The following PARD3 variants were observed in gnomAD, a reference collection of about 807,000 sequenced individuals.
The protein encoded by PARD3 is par-3 family cell polarity regulator.
Under a neutral mutation model 155.4 loss-of-function variants are expected in PARD3, and 75 were observed. That is an observed-to-expected ratio of 0.48 (90% CI 0.40 to 0.58). The LOEUF (loss-of-function observed/expected upper bound fraction) is 0.58. PARD3 is among the 20% of genes least tolerant of loss of function. PARD3 has a pLI of 0.00. For missense variants in PARD3, 1,642 were observed against 1,721.7 expected (o/e 0.95, Z 0.82); for synonymous variants, 576 against 610.5 (o/e 0.94, Z 0.83).
At chr10:34,711,012 T>C (rs1439941201) in intron 1 of PARD3, among the ~76,000 whole-genome samples, 2 of 152,000 alleles carry the variant, frequency 1.3e-5, no homozygotes, top group Non-Finnish European at 2.9e-5. Flanking sequence ...TCCATCTCTA[T>C]AAAGCAATTA....
chr10:34,249,294 G>T (rs577725908), intron 22 of PARD3, among the ~76,000 whole-genome samples: 1 of 152,130 alleles, frequency 6.6e-6, no homozygotes, highest in South Asian at 2.1e-4. Context: ...TTACAGGCAT[G>T]AGCCAGCATG....
intron 1 of PARD3, among the ~76,000 whole-genome samples, chr10:34,715,732 G>C (rs958398298): frequency 6.6e-6 from 1 of 152,114 alleles, no homozygotes. Context: ...AAATATTCAC[G>C]AAGCATCTAC....
At chr10:34,167,775 T>C (rs2133094077) in intron 22 of PARD3, among the ~76,000 whole-genome samples, 1 of 152,358 alleles carries the variant, frequency 6.6e-6, no homozygotes, top group African/African-American at 2.4e-5. Flanking sequence ...GTCTCTGCCC[T>C]AGGAATGGAA....
chr10:34,286,607 A>G (rs924640979), intron 20 of PARD3, among the ~76,000 whole-genome samples: 13 of 152,240 alleles, frequency 8.5e-5, no homozygotes, highest in African/African-American at 3.1e-4. Flanking sequence ...ATTCTTGCCT[A>G]TTCCAGTGAT....
chr10:34,148,088 C>G (rs995849503), intron 22 of PARD3, among the ~76,000 whole-genome samples: 10 of 151,818 alleles, frequency 6.6e-5, no homozygotes, highest in Admixed American at 5.2e-4. Context: ...TTGGAAGCAT[C>G]AGAAGCCCAG....
At chr10:34,297,002 A>C (rs1589092497) in intron 20 of PARD3, among the ~76,000 whole-genome samples, 1 of 152,246 alleles carries the variant, frequency 6.6e-6, no homozygotes, top group East Asian at 1.9e-4. Context: ...GGTCACTACA[A>C]CCAACATTAA....
At chr10:34,384,312 C>A in intron 7 of PARD3, 58 bp from the exon 8 acceptor site, 1 of 1,495,238 alleles carries the variant, frequency 6.7e-7, no homozygotes, top group Non-Finnish European at 9.1e-7. Context: ...TGCACACTGC[C>A]TTACCACTTT....
At chr10:34,353,716 TAAATAAATAAAAAAA>T (rs1299695568) in intron 14 of PARD3, among the ~76,000 whole-genome samples, 5 of 136,592 alleles carry the variant, frequency 3.7e-5, no homozygotes, top group African/African-American at 7.5e-5. Context: ...GATCAATAAA[TAAATAAATAAAAAAA>T]TAAATAAATA....
At chr10:34,502,170 A>G (rs2080759117) in intron 3 of PARD3, among the ~76,000 whole-genome samples, 1 of 152,216 alleles carries the variant, frequency 6.6e-6, no homozygotes, top group Non-Finnish European at 1.5e-5. Flanking sequence ...AGCAGCCTGA[A>G]TGGACTTAGA....
intron 3 of PARD3, among the ~76,000 whole-genome samples, chr10:34,516,617 T>C (rs2081784245): frequency 6.6e-6 from 1 of 152,156 alleles, no homozygotes; most frequent in African/African-American, 2.4e-5. Context: ...TGTAACAGAG[T>C]TGACTGTAAT....
intron 1 of PARD3, among the ~76,000 whole-genome samples, chr10:34,761,708 G>A (rs545111123): frequency 6.6e-6 from 1 of 152,244 alleles, no homozygotes; most frequent in African/African-American, 2.4e-5. Context: ...AAAGACAAAT[G>A]CCTGCCTTCC....
At chr10:34,782,594 C>G (rs1324143766) in intron 1 of PARD3, among the ~76,000 whole-genome samples, 2 of 152,328 alleles carry the variant, frequency 1.3e-5, no homozygotes, top group African/African-American at 2.4e-5. Flanking sequence ...ACATTATTTC[C>G]TCTACACATA....
chr10:34,667,968 G>T (rs1388817818), intron 2 of PARD3, among the ~76,000 whole-genome samples: 5 of 152,158 alleles, frequency 3.3e-5, no homozygotes, highest in Non-Finnish European at 5.9e-5. Context: ...GGGAAGAGGA[G>T]GTGCAGTACA....
intron 22 of PARD3, among the ~76,000 whole-genome samples, chr10:34,217,870 A>C (rs1021510980): frequency 6.6e-6 from 1 of 152,218 alleles, no homozygotes; most frequent in African/African-American, 2.4e-5. Flanking sequence ...CAAAAGGTAC[A>C]TAAATAAGTA....
chr10:34,766,617 C>CAAAAAAAAAAAAAAA (rs34958448), intron 1 of PARD3, among the ~76,000 whole-genome samples: 1 of 81,788 alleles, frequency 1.2e-5, no homozygotes, highest in Non-Finnish European at 2.4e-5. Context: ...ACTTAATTGA[C>CAAAAAAAAAAAAAAA]AAAAAAAAAA....
At chr10:34,382,510 T>C (rs972599552) in intron 9 of PARD3, 30 bp downstream of exon 9, 26 of 1,584,112 alleles carry the variant, frequency 1.6e-5, no homozygotes, top group Non-Finnish European at 2.1e-5. Flanking sequence ...GAAAAGAAAT[T>C]CCACAAAACA....
intron 21 of PARD3, among the ~76,000 whole-genome samples, chr10:34,279,095 T>C (rs1406923126): frequency 6.6e-6 from 1 of 151,708 alleles, no homozygotes; most frequent in Non-Finnish European, 1.5e-5. Context: ...AGATATATAG[T>C]ATGCCTAACG....
chr10:34,445,510 T>C lies in PARD3; in HGVS notation c.714+4807A>G, dbSNP rs917177668. On this transcript the variant is annotated intron_variant, in intron 5 of 24. Coordinates refer to ENST00000374788, the MANE Select transcript of PARD3 (RefSeq NM_001184785.2). ...ATGCCAAAGAAGATGTTTTTAGACT[T>C]AGGTACCTTCTCAGTCCACATAGAC... 5.3e-5 allele frequency among the ~76,000 whole-genome samples: 8 copies of C among 152,336 alleles called. No individual in the cohort carries two copies. The South Asian group carries it at 8.3e-4, about 16-fold the overall frequency.
chr10:34,663,243 T>C (rs761534504), intron 2 of PARD3, among the ~76,000 whole-genome samples: 22 of 152,030 alleles, frequency 1.4e-4, no homozygotes, highest in Non-Finnish European at 2.5e-4. Flanking sequence ...GCGGGTAGAT[T>C]GCCTGAGCTC....
Sources: gnomAD v4.1 joint callset for allele counts (sites outside exome capture counted in the v4.1 genomes callset) on GRCh38, gnomAD v4.1.1 for gene constraint, MANE v1.5 for transcripts, NCBI Gene and HGNC (gene_info 2026-07-23, HGNC 2026-07-21) for gene names.